The following CCDC150 variants were observed in gnomAD, a reference collection of about 807,000 sequenced individuals.
CCDC150 encodes the protein coiled-coil domain-containing protein 150.
Under a neutral mutation model 156.5 loss-of-function variants are expected in CCDC150, and 151 were observed. The observed-to-expected ratio is 0.97, with a 90% CI of 0.85 to 1.10. The LOEUF (loss-of-function observed/expected upper bound fraction) is 1.10. CCDC150 is among the 50% of genes least tolerant of loss of function. CCDC150 has a pLI of 0.00. For missense variants in CCDC150, 1,312 were observed against 1,268.1 expected, an observed-to-expected ratio of 1.03 and a Z score of -0.53; for synonymous variants, 452 against 429.4, an observed-to-expected ratio of 1.05 and a Z score of -0.65.
Position 196,656,677 on chromosome 2 carries a change from A to G in CCDC150, c.221A>G (p.Gln74Arg), listed in dbSNP as rs1247752185. Reference protein sequence around the residue: ...APDCLEDLDSQKVISPIQNEA... With the variant: ...APDCLEDLDSRKVISPIQNEA... ...GACTGTTTAGAAGACCTGGACAGCC[A>G]GAAAGTCATTAGTCCTATCCAAAAT... Residue 74 changes from glutamine to arginine, a missense_variant, in exon 3 of 28, where the codon CAG becomes CGG. Coordinates refer to ENST00000389175, the MANE Select transcript of CCDC150 (RefSeq NM_001080539.2). 6.2e-7 allele frequency: 1 copy of G among 1,613,290 alleles called. No homozygotes were observed. Among genetic ancestry groups the G allele is most frequent in the African/African-American group, 1.3e-5 (1 of 74,924 alleles).
At chr2:196,658,941 C>T in intron 5 of CCDC150, 81 bp downstream of exon 5, 2 of 984,524 alleles carry the variant, frequency 2.0e-6, no homozygotes, top group Non-Finnish European at 3.0e-6. Context: ...TGAAAAGAAA[C>T]CTTTGAAGAA....
intron 21 of CCDC150, among the ~76,000 whole-genome samples, chr2:196,721,916 C>T (rs1160031368): frequency 2.0e-5 from 3 of 152,246 alleles, no homozygotes; most frequent in East Asian, 1.9e-4. Context: ...TTCCTTCATC[C>T]ACTATCTAGC....
intron 19 of CCDC150, chr2:196,720,200 A>G (rs1697798277): frequency 5.4e-6 from 2 of 370,790 alleles, no homozygotes; most frequent in Non-Finnish European, 1.1e-5. Flanking sequence ...TCTGAGTTTA[A>G]TAGGGCATAT....
intron 7 of CCDC150, among the ~76,000 whole-genome samples, chr2:196,668,295 TAAAAAAAAAAAA>T (rs55945331): frequency 0.018 from 1,640 of 92,298 alleles, 40 homozygotes; most frequent in African/African-American, 0.061. Context: ...AAACTCCATC[TAAAAAAAAAAAA>T]AAAAAAAAAA....
intron 8 of CCDC150, 74 bp from the exon 9 acceptor site, chr2:196,672,271 A>C (rs187165523): frequency 7.7e-5 from 50 of 647,588 alleles, no homozygotes; most frequent in Non-Finnish European, 1.0e-4. Context: ...GCCGAAATAC[A>C]AAACAGTTAT....
At chr2:196,702,519 C>T (rs1394348797) in intron 15 of CCDC150, among the ~76,000 whole-genome samples, 1 of 151,944 alleles carries the variant, frequency 6.6e-6, no homozygotes, top group Non-Finnish European at 1.5e-5. Context: ...AGCACCATAC[C>T]CAGCCAAGTT....
intron 1 of CCDC150, 58 bp from the exon 2 acceptor site, chr2:196,646,283 T>G: frequency 6.7e-7 from 1 of 1,490,116 alleles, no homozygotes; most frequent in South Asian, 1.2e-5. Context: ...GGAATGGCAG[T>G]GACTATTTTT....
intron 4 of CCDC150, among the ~76,000 whole-genome samples, chr2:196,658,542 C>T (rs181368727): frequency 5.6e-4 from 85 of 151,962 alleles, no homozygotes; most frequent in East Asian, 1.9e-4. Flanking sequence ...GAGGTGGGTG[C>T]GATTAATCAC....
At chr2:196,685,811 C>T (rs1472125644) in intron 13 of CCDC150, among the ~76,000 whole-genome samples, 2 of 152,014 alleles carry the variant, frequency 1.3e-5, no homozygotes, top group East Asian at 3.9e-4. Context: ...GACGAGGTTT[C>T]ACCTTGTTAT....
At chr2:196,664,987 A>G (rs771296883) in intron 5 of CCDC150, among the ~76,000 whole-genome samples, 1 of 152,234 alleles carries the variant, frequency 6.6e-6, no homozygotes, top group Non-Finnish European at 1.5e-5. Flanking sequence ...AAATTCCAGA[A>G]TAGAATGAAA....
rs1209704359 is a variant in CCDC150 at position 196,730,052 on chromosome 2, T to G, written c.2916T>G (p.Asn972Lys). 1 of 1,613,866 alleles carries G rather than the reference T, an allele frequency of 6.2e-7. No individual in the cohort carries two copies. Among genetic ancestry groups the G allele is most frequent in the South Asian group, 1.1e-5 (1 of 91,002 alleles). ...AKSQYDASVR[N>K]KQQELHLEAE... Reference sequence around the variant, plus strand: ...GCCAATATGATGCCTCAGTGCGGAATAAACAGCAAGAGCTGCACCTAGAAG... The same window carrying G: ...GCCAATATGATGCCTCAGTGCGGAAGAAACAGCAAGAGCTGCACCTAGAAG... Residue 972 changes from asparagine (N) to lysine (K), a missense_variant, in exon 25 of 28, where the codon AAT (asparagine) becomes AAG (lysine). By Grantham distance (94) the Asn-to-Lys change is moderately conservative. Coordinates refer to ENST00000389175, the MANE Select transcript of CCDC150 (RefSeq NM_001080539.2).
rs34878991 is a variant in CCDC150, at chr2:196,699,524, C to CTT, written c.1624-1574_1624-1573dup. Among the ~76,000 whole-genome samples the CTT allele has an allele frequency of 4.7e-3, 687 of 145,936 alleles. 4 individuals are homozygous for CTT. Among genetic ancestry groups the CTT allele is most frequent in the Admixed American group, 9.7e-3 (142 of 14,634 alleles). On this transcript the variant is annotated intron_variant, in intron 14 of 27. Coordinates refer to ENST00000389175, the MANE Select transcript of CCDC150 (RefSeq NM_001080539.2). ...AAAACAATGCTCTAGACTACTGTGC[C>CTT]TTTTTTTTTTTTGAAATGGGGGTCT...
At chr2:196,657,400 G>T in intron 4 of CCDC150, 1 of 345,918 alleles carries the variant, frequency 2.9e-6, no homozygotes, top group South Asian at 4.2e-5. Flanking sequence ...ATGAGATAGA[G>T]CCTGTGCTCT....
chr2:196,730,171 C>A, intron 25 of CCDC150, 53 bp downstream of exon 25: 2 of 1,492,036 alleles, frequency 1.3e-6, no homozygotes, highest in African/African-American at 1.4e-5. Flanking sequence ...TGACATGTGC[C>A]AAAGCCCAGT....
chr2:196,705,764 A>G (rs1412435406), intron 15 of CCDC150, among the ~76,000 whole-genome samples: 2 of 152,208 alleles, frequency 1.3e-5, no homozygotes, highest in Non-Finnish European at 2.9e-5. Flanking sequence ...TCAGCTTTCT[A>G]CATATGGCTA....
At chr2:196,707,340 G>A (rs1342410706) in intron 15 of CCDC150, among the ~76,000 whole-genome samples, 5 of 152,102 alleles carry the variant, frequency 3.3e-5, no homozygotes, top group Non-Finnish European at 7.4e-5. Flanking sequence ...ATTTCTGTGG[G>A]ATAGGTAGTG....
chr2:196,701,028 G>A (rs1346088683), intron 14 of CCDC150, 81 bp from the exon 15 acceptor site: 3 of 837,448 alleles, frequency 3.6e-6, no homozygotes, highest in Non-Finnish European at 5.7e-6. Context: ...AAATGGTAAG[G>A]ATGTAAATAC....
In CCDC150 at chr2:196,729,393, A is replaced by T. The variant is rs1206133057; in HGVS notation, c.2751+6A>T. The T allele has an allele frequency of 2.5e-6, 4 of 1,613,170 alleles. No individual in the cohort carries two copies. The highest frequency in any genetic ancestry group is 3.4e-6 in the Non-Finnish European group (4 of 1,179,234). On this transcript the variant is annotated splice_donor_region_variant and intron_variant, in intron 23 of 27. Transcript: ENST00000389175. ...AGAATATAGAAAGGATGAAGGTTGT[A>T]TGGGAAACCTCTTCTCACTTCCTGG...
At chr2:196,697,350 A>G (rs868583483) in intron 14 of CCDC150, among the ~76,000 whole-genome samples, 47 of 152,020 alleles carry the variant, frequency 3.1e-4, no homozygotes, top group Admixed American at 5.3e-4. Flanking sequence ...GTGATAGTGC[A>G]ATTTAATTCC....
Sources: allele counts gnomAD v4.1 joint callset (sites outside exome capture counted in the v4.1 genomes callset), GRCh38; gene constraint gnomAD v4.1.1; transcripts MANE v1.5; gene names NCBI Gene and HGNC (gene_info 2026-07-23, HGNC 2026-07-21).